The following EYA3 variants were observed in gnomAD, a reference collection of about 807,000 sequenced individuals.
EYA3 encodes the protein protein phosphatase EYA3.
Under a neutral mutation model 80.0 loss-of-function variants are expected in EYA3, and 39 were observed. The observed-to-expected ratio is 0.49, with a 90% CI of 0.38 to 0.64. The LOEUF is 0.64. Ranked by LOEUF, EYA3 falls within the 30% of genes least tolerant of loss-of-function variation. The pLI, the probability that EYA3 is intolerant of heterozygous loss-of-function variation, is 0.00. For missense variants in EYA3, 523 were observed against 676.1 expected (o/e 0.77, Z 2.51); for synonymous variants, 206 against 232.8 (o/e 0.88, Z 1.05).
chr1:28,054,877 T>C (rs1644383917), intron 2 of EYA3, among the ~76,000 whole-genome samples: 1 of 152,176 alleles, frequency 6.6e-6, no homozygotes, highest in South Asian at 2.1e-4. Flanking sequence ...AATGTTTCAC[T>C]ACTTGGTTTG....
chr1:27,979,025 A>G (rs1333385319), intron 16 of EYA3, among the ~76,000 whole-genome samples: 2 of 152,204 alleles, frequency 1.3e-5, no homozygotes, highest in African/African-American at 2.4e-5. Flanking sequence ...GAAGTCCCTA[A>G]GATCTTAGTG....
At chr1:28,041,183 G>T (rs1643757343) in intron 4 of EYA3, among the ~76,000 whole-genome samples, 1 of 151,894 alleles carries the variant, frequency 6.6e-6, no homozygotes, top group South Asian at 2.1e-4. Flanking sequence ...GGCCAACATG[G>T]TGAAACCCCA....
At position 28,058,004 on chromosome 1, in the gene EYA3, G is replaced by GA; in HGVS notation, c.22_23insT (p.Pro8LeufsTer28). On this transcript the variant is annotated frameshift_variant, in exon 2 of 18. Coordinates refer to ENST00000373871, the MANE Select transcript of EYA3 (RefSeq NM_001990.4). LOFTEE classifies it high-confidence loss of function. ...AAAGGAAATACTTACTGGTTGCTCTGGTAAATCTTGCTCTTCTTCCATGAG... is the reference window on the plus strand; with the variant it reads ...AAAGGAAATACTTACTGGTTGCTCTGAGTAAATCTTGCTCTTCTTCCATGAG... 2 of 1,584,702 alleles carry GA rather than the reference G, an allele frequency of 1.3e-6. No homozygotes were observed. The highest frequency in any genetic ancestry group is 1.7e-6 in the Non-Finnish European group (2 of 1,160,962).
rs756352735 is a variant in EYA3, at chr1:27,989,701, A to C, written c.1414T>G (p.Ser472Ala). 1.3e-6 allele frequency: 2 copies of C among 1,598,864 alleles called. No homozygotes were observed. Among genetic ancestry groups the C allele is most frequent in the Non-Finnish European group, 1.7e-6 (2 of 1,168,302 alleles). The part of the protein sequence containing the change: ...TALKSLLLIQ[S>A]RKNCVNVLIT... ...CTAAAAGAACCATTTCCATACCTGG[A>C]CTGGATGAGAAGTAAGGACTTTAAT... is the stretch of plus-strand genomic sequence containing the variant. The change falls in exon 15 of 18, where the codon TCC (serine) becomes GCC (alanine). Residue 472 changes from serine (S) to alanine (A), a missense_variant. By Grantham distance (99) the Ser-to-Ala change is moderately conservative. Transcript: ENST00000373871.
At chr1:28,049,611 A>G (rs1316347578) in intron 2 of EYA3, among the ~76,000 whole-genome samples, 1 of 152,178 alleles carries the variant, frequency 6.6e-6, no homozygotes, top group Non-Finnish European at 1.5e-5. Flanking sequence ...CAGGAGGTTG[A>G]GGGATTCCAG....
intron 1 of EYA3, among the ~76,000 whole-genome samples, chr1:28,060,690 A>T (rs1203671792): frequency 1.1e-4 from 17 of 152,188 alleles, no homozygotes. Flanking sequence ...ATCTAGGAGA[A>T]TAAAAAGTAC....
At chr1:28,055,717 C>T (rs908809668) in intron 2 of EYA3, among the ~76,000 whole-genome samples, 5 of 152,074 alleles carry the variant, frequency 3.3e-5, no homozygotes, top group Middle Eastern at 3.2e-3. Context: ...GTGATCCACC[C>T]ACCTCCACCA....
intron 16 of EYA3, among the ~76,000 whole-genome samples, chr1:27,986,750 T>C (rs960501075): frequency 6.6e-6 from 1 of 151,964 alleles, no homozygotes; most frequent in African/African-American, 2.4e-5. Flanking sequence ...TCACCCAGGC[T>C]GGAGTGCAGT....
In EYA3 at chr1:27,971,615, A is replaced by AT. The variant is rs1638733306; in HGVS notation, c.*2850_*2851insA. The AT allele has an allele frequency of 1.3e-5, 2 of 148,986 alleles. No individual in the cohort carries two copies. The highest frequency in any genetic ancestry group is 5.0e-5 in the African/African-American group (2 of 39,932). 9.2% of individuals were successfully genotyped at this position (148,986 alleles called of 1,614,324 possible). ...TCTCAACAACAACAACAAAAAAAAAAAAAAAAAAAAAAAGAGAACCCACCA... is the reference window on the plus strand; with the variant it reads ...TCTCAACAACAACAACAAAAAAAAAATAAAAAAAAAAAAAGAGAACCCACCA... On this transcript the variant is annotated 3_prime_UTR_variant, in exon 18 of 18. Coordinates refer to ENST00000373871, the MANE Select transcript of EYA3 (RefSeq NM_001990.4).
chr1:27,999,898 G>A, intron 12 of EYA3, 62 bp downstream of exon 12: 1 of 1,250,526 alleles, frequency 8.0e-7, no homozygotes. Flanking sequence ...ATAAGCAAAA[G>A]CTCTAAATAG....
chr1:28,075,323 A>G (rs2148940338), intron 1 of EYA3, among the ~76,000 whole-genome samples: 1 of 152,302 alleles, frequency 6.6e-6, no homozygotes, highest in South Asian at 2.1e-4. Context: ...TATTCGATCT[A>G]ACTATTCACT....
Position 27,999,983 on chromosome 1 carries a change from GAGTATCAGCC to G in EYA3, c.1050_1059del (p.Ala351IlefsTer7). 6.2e-7 allele frequency: 1 copy of G among 1,608,106 alleles called. No homozygotes were observed. Among genetic ancestry groups the G allele is most frequent in the Non-Finnish European group, 8.5e-7 (1 of 1,177,060 alleles). ...ACCTCTAAGTCATTGAAAAATAGAT[GAGTATCAGCC>G]ACTTCAAAAATCATTTCTTCCATTG... On this transcript the variant is annotated frameshift_variant, in exon 12 of 18. Transcript: ENST00000373871. LOFTEE classifies it high-confidence loss of function.
intron 2 of EYA3, among the ~76,000 whole-genome samples, chr1:28,049,714 T>C (rs1644168105): frequency 6.6e-6 from 1 of 152,142 alleles, no homozygotes; most frequent in African/African-American, 2.4e-5. Context: ...TGATCTGACC[T>C]AGATAATATA....
chr1:28,068,765 AC>A (rs1224940099), intron 1 of EYA3, among the ~76,000 whole-genome samples: 1 of 152,194 alleles, frequency 6.6e-6, no homozygotes, highest in Admixed American at 6.5e-5. Context: ...TTTAAAATGT[AC>A]AGACTTTGAT....
At chr1:28,064,431 C>CAAAAA (rs35425305) in intron 1 of EYA3, among the ~76,000 whole-genome samples, 1 of 127,620 alleles carries the variant, frequency 7.8e-6, no homozygotes, top group African/African-American at 2.9e-5. Context: ...GACTCTGCCT[C>CAAAAA]AAAAAAAAAA....
At chr1:28,022,637 T>C (rs1015021914) in intron 7 of EYA3, among the ~76,000 whole-genome samples, 6 of 152,226 alleles carry the variant, frequency 3.9e-5, no homozygotes, top group Non-Finnish European at 8.8e-5. Flanking sequence ...TATACCTACA[T>C]ATATTTGTTT....
chr1:28,048,463 G>C (rs891115026), intron 2 of EYA3, 37 bp from the exon 3 acceptor site: 6 of 1,554,160 alleles, frequency 3.9e-6, no homozygotes, highest in Non-Finnish European at 5.3e-6. Flanking sequence ...CAATGTACTT[G>C]ATCTGTTTTT....
chr1:28,057,151 A>G (rs541693364), intron 2 of EYA3, among the ~76,000 whole-genome samples: 13 of 152,316 alleles, frequency 8.5e-5, no homozygotes, highest in African/African-American at 3.1e-4. Flanking sequence ...AAAAATATTT[A>G]AAATATATTA....
At chr1:28,057,191 T>C (rs1375601728) in intron 2 of EYA3, among the ~76,000 whole-genome samples, 3 of 152,176 alleles carry the variant, frequency 2.0e-5, no homozygotes, top group Non-Finnish European at 4.4e-5. Context: ...TGGGAGCTAG[T>C]ATACCTAAAG....
Sources: gnomAD v4.1 joint callset for allele counts (sites outside exome capture counted in the v4.1 genomes callset) on GRCh38, gnomAD v4.1.1 for gene constraint, MANE v1.5 for transcripts, NCBI Gene and HGNC (gene_info 2026-07-23, HGNC 2026-07-21) for gene names.